The following HS3ST4 variants were observed in gnomAD, a reference collection of about 807,000 sequenced individuals.
HS3ST4 encodes the protein heparan sulfate glucosamine 3-O-sulfotransferase 4.
A neutral mutation model predicts 29.2 loss-of-function variants in HS3ST4; 17 were observed. That is an observed-to-expected ratio of 0.58 (90% confidence interval 0.40 to 0.87). HS3ST4 has a LOEUF of 0.87. Among genes scored for constraint, HS3ST4 ranks in the 40% least tolerant of loss-of-function variants. The pLI is 0.00. For missense variants in HS3ST4, 627 were observed against 634.5 expected (o/e 0.99, Z 0.13); for synonymous variants, 314 against 285.7 (o/e 1.10, Z -1.00).
chr16:25,736,339 C>A (rs1966610120), intron 1 of HS3ST4, among the ~76,000 whole-genome samples: 1 of 152,126 alleles, frequency 6.6e-6, no homozygotes, highest in Admixed American at 6.6e-5. Context: ...ACAAACCTTG[C>A]CATATGAAGT....
Position 26,014,007 on chromosome 16 carries a change from A to AAAATAAATAAATAAATAAAT in HS3ST4, c.735-121589_735-121570dup, listed in dbSNP as rs142700276. 7.6e-3 allele frequency among the ~76,000 whole-genome samples: 1,110 copies of AAAATAAATAAATAAATAAAT among 145,636 alleles called. 10 individuals carry two copies. The highest frequency in any genetic ancestry group is 0.012 in the East Asian group (60 of 4,888). On this transcript the variant is annotated intron_variant, in intron 1 of 1. Transcript: ENST00000331351. Reference sequence around the variant, plus strand: ...TGGCGACAGATAGCAACTCTGTCTCAAAATAAATAAATAAATAAATAAATA... The same window carrying AAAATAAATAAATAAATAAAT: ...TGGCGACAGATAGCAACTCTGTCTCAAAATAAATAAATAAATAAATAAATAAATAAATAAATAAATAAATA...
chr16:26,045,198 A>C (rs113411456), intron 1 of HS3ST4, among the ~76,000 whole-genome samples: 139 of 152,236 alleles, frequency 9.1e-4, no homozygotes, highest in African/African-American at 3.2e-3. Context: ...TAGCTGTTAC[A>C]AGAGATGAAA....
intron 1 of HS3ST4, among the ~76,000 whole-genome samples, chr16:25,880,455 C>T (rs567506179): frequency 9.9e-5 from 15 of 152,246 alleles, no homozygotes; most frequent in Admixed American, 5.9e-4. Context: ...TATTTTGACA[C>T]GCAACCATCT....
chr16:25,740,462 C>A (rs906357717), intron 1 of HS3ST4, among the ~76,000 whole-genome samples: 1 of 152,134 alleles, frequency 6.6e-6, no homozygotes, highest in East Asian at 1.9e-4. Flanking sequence ...CCCCAAAGAT[C>A]CTAGTTTCTA....
intron 1 of HS3ST4, among the ~76,000 whole-genome samples, chr16:25,818,955 G>A (rs1967121550): frequency 6.6e-6 from 1 of 152,126 alleles, no homozygotes; most frequent in African/African-American, 2.4e-5. Flanking sequence ...TGTGCTGGGT[G>A]CAAACTTGTC....
At chr16:25,927,175 A>T (rs1048199385) in intron 1 of HS3ST4, among the ~76,000 whole-genome samples, 29 of 152,234 alleles carry the variant, frequency 1.9e-4, no homozygotes, top group African/African-American at 7.0e-4. Flanking sequence ...GATTCCTCAC[A>T]GGCAATGGCC....
At chr16:25,784,126 T>C (rs886671406) in intron 1 of HS3ST4, among the ~76,000 whole-genome samples, 7 of 152,236 alleles carry the variant, frequency 4.6e-5, no homozygotes, top group African/African-American at 1.7e-4. Context: ...TGGGGCATCA[T>C]GAACCTTGGC....
chr16:26,116,674 T>C (rs900991337), intron 1 of HS3ST4, among the ~76,000 whole-genome samples: 1 of 152,230 alleles, frequency 6.6e-6, no homozygotes, highest in Admixed American at 6.5e-5. Context: ...GCTAATCATT[T>C]GTTCATTGAC....
intron 1 of HS3ST4, among the ~76,000 whole-genome samples, chr16:26,049,404 G>GGTCTAC (rs750662212): frequency 3.4e-5 from 5 of 148,162 alleles, no homozygotes; most frequent in African/African-American, 7.6e-5. Flanking sequence ...TACATCCGGA[G>GGTCTAC]AATGATGTGG....
chr16:25,753,137 C>T (rs189099543), intron 1 of HS3ST4, among the ~76,000 whole-genome samples: 54 of 152,296 alleles, frequency 3.5e-4, no homozygotes, highest in African/African-American at 9.9e-4. Flanking sequence ...TAAGAGCTGT[C>T]CTGGCATGGG....
intron 1 of HS3ST4, among the ~76,000 whole-genome samples, chr16:25,889,801 A>C (rs887831268): frequency 1.3e-5 from 2 of 152,066 alleles, no homozygotes; most frequent in African/African-American, 4.8e-5. Context: ...GGGGCTCGGT[A>C]GGAGGTAATT....
At chr16:25,711,502 G>A (rs912158868) in intron 1 of HS3ST4, among the ~76,000 whole-genome samples, 2 of 152,166 alleles carry the variant, frequency 1.3e-5, no homozygotes, top group Admixed American at 6.5e-5. Context: ...TGGTGGCCCC[G>A]TAAAGAGGAG....
intron 1 of HS3ST4, among the ~76,000 whole-genome samples, chr16:26,130,084 G>A (rs1180142293): frequency 2.6e-5 from 4 of 152,200 alleles, no homozygotes; most frequent in Non-Finnish European, 5.9e-5. Context: ...GACCAGGAGA[G>A]TGCAGTGGGG....
chr16:25,853,890 C>A (rs1008407332), intron 1 of HS3ST4, among the ~76,000 whole-genome samples: 1 of 152,032 alleles, frequency 6.6e-6, no homozygotes, highest in Non-Finnish European at 1.5e-5. Context: ...TAGAAGTGTT[C>A]CCTCCTCTTC....
chr16:25,865,780 A>G lies in HS3ST4; in HGVS notation c.734+172629A>G, dbSNP rs116131387. ...AAACTGGATACCCACATAGAGAAGGATGAAATCAAACCCTTAGCTGACACC... is the reference window on the plus strand; with the variant it reads ...AAACTGGATACCCACATAGAGAAGGGTGAAATCAAACCCTTAGCTGACACC... On this transcript the variant is annotated intron_variant, in intron 1 of 1. Coordinates refer to ENST00000331351, the MANE Select transcript of HS3ST4 (RefSeq NM_006040.3). Among the ~76,000 whole-genome samples, 548 of 152,328 alleles carry G rather than the reference A, an allele frequency of 3.6e-3. 2 individuals carry two copies. The highest frequency in any genetic ancestry group is 0.012 in the African/African-American group (505 of 41,576).
intron 1 of HS3ST4, among the ~76,000 whole-genome samples, chr16:25,699,700 C>G (rs1242884207): frequency 6.6e-6 from 1 of 152,200 alleles, no homozygotes; most frequent in Non-Finnish European, 1.5e-5. Flanking sequence ...CTGTATTAGA[C>G]TCTTCAGAAA....
At chr16:25,821,118 T>C (rs959100653) in intron 1 of HS3ST4, among the ~76,000 whole-genome samples, 174 of 148,828 alleles carry the variant, frequency 1.2e-3, no homozygotes, top group African/African-American at 4.3e-3. Flanking sequence ...AGTGCAGTGG[T>C]GCGATCTCGG....
chr16:26,019,815 G>A (rs1325995555), intron 1 of HS3ST4, among the ~76,000 whole-genome samples: 1 of 152,120 alleles, frequency 6.6e-6, no homozygotes, highest in East Asian at 1.9e-4. Flanking sequence ...CCCTGTCCAA[G>A]CCGTTTGGTT....
intron 1 of HS3ST4, among the ~76,000 whole-genome samples, chr16:25,949,390 T>G (rs1280069439): frequency 1.3e-5 from 2 of 152,194 alleles, no homozygotes; most frequent in Non-Finnish European, 2.9e-5. Flanking sequence ...TCCCAGTCCC[T>G]GCTAACCATC....
Sources: allele counts gnomAD v4.1 joint callset (sites outside exome capture counted in the v4.1 genomes callset), GRCh38; gene constraint gnomAD v4.1.1; transcripts MANE v1.5; gene names NCBI Gene and HGNC (gene_info 2026-07-23, HGNC 2026-07-21).